Variants in PIEZO2 observed in about 807,000 individuals in gnomAD.
The protein encoded by PIEZO2 is piezo-type mechanosensitive ion channel component 2.
In PIEZO2, 172 loss-of-function variants were observed where a neutral mutation model predicts 337.3. The ratio of observed to expected loss-of-function variants is 0.51; its 90% confidence interval spans 0.45 to 0.58. The LOEUF is 0.58. Among genes scored for constraint, PIEZO2 ranks in the 20% least tolerant of loss-of-function variants. The probability of loss-of-function intolerance (pLI) is 0.00; values close to 1 mark genes in which losing one functional copy is unlikely to be tolerated. For missense variants in PIEZO2, 3,028 were observed against 3,391.3 expected, an observed-to-expected ratio of 0.89 and a Z score of 2.66; for synonymous variants, 1,251 against 1,228.5, an observed-to-expected ratio of 1.02 and a Z score of -0.38.
intron 2 of PIEZO2, among the ~76,000 whole-genome samples, chr18:11,049,494 A>T: frequency 6.6e-6 from 1 of 152,230 alleles, no homozygotes; most frequent in South Asian, 2.1e-4. Context: ...CACCAACTCA[A>T]GTGAACTAAC....
rs2038816374 is a variant in PIEZO2, at chr18:11,083,406, A to G, written c.65-17184T>C. On this transcript the variant is annotated intron_variant, in intron 1 of 55. Coordinates refer to ENST00000674853, the MANE Select transcript of PIEZO2 (RefSeq NM_001378183.1). The surrounding 1 kb of genome is among the most constrained non-coding windows in gnomAD (Gnocchi z 4.4). ...TTTCCTTGGTAAATTCTTGGCGTAG[A>G]ATGAGAGATCCGAAGGAGTCCAGGT... 6.6e-6 allele frequency among the ~76,000 whole-genome samples: 1 copy of G among 152,210 alleles called. No individual in the cohort carries two copies. The highest frequency in any genetic ancestry group is 1.5e-5 in the Non-Finnish European group (1 of 68,020).
chr18:11,141,704 C>T (rs554672866), intron 1 of PIEZO2, among the ~76,000 whole-genome samples: 2 of 152,242 alleles, frequency 1.3e-5, no homozygotes, highest in South Asian at 4.2e-4. Context: ...TCTGAGCACA[C>T]CAGAGAAGGC....
Position 10,705,676 on chromosome 18 carries a change from C to T in PIEZO2, c.5659G>A (p.Glu1887Lys), listed in dbSNP as rs1242154149. 3.3e-6 allele frequency: 5 copies of T among 1,536,898 alleles called. No individual in the cohort carries two copies. In the African/African-American group the frequency reaches 4.1e-5, roughly 13 times the overall value. ...TTETIEEVEA[E>K]QEEEAGSTAP... ...GTGCTCCCTGCCTCCTCCTCCTGCT[C>T]AGCCTCCACCTCCTCGATGGTCTCA... is the stretch of plus-strand genomic sequence containing the variant. The change falls in exon 41 of 56, where the codon GAG becomes AAG. Residue 1887 changes from glutamate (E) to lysine (K), a missense_variant. Physicochemically the swap from Glu to Lys is moderately conservative, Grantham distance 56 (BLOSUM62 1). Coordinates refer to ENST00000674853, the MANE Select transcript of PIEZO2 (RefSeq NM_001378183.1).
In PIEZO2 at chr18:10,750,173, T is replaced by A. The variant is rs764409706; in HGVS notation, c.4182A>T (p.Gly1394=). The A allele has an allele frequency of 9.1e-6, 14 of 1,536,784 alleles. No individual in the cohort carries two copies. In the South Asian group the frequency reaches 1.7e-4, roughly 18 times the overall value. Residue 1394 remains glycine, a synonymous_variant, in exon 29 of 56, where the codon GGA becomes GGT. Transcript: ENST00000674853. This position sits in a 1 kb window ranked among gnomAD's most constrained non-coding sequence, Gnocchi z 4.1. The part of the protein sequence containing the change: ...MKNILSIGAC[G]YIGTLVHNSC... ...TATTGTGCACCAATGTTCCAATGTA[T>A]CCACATGCTCCTATCTGAAAAACAA...
chr18:11,056,839 G>C (rs118018851), intron 2 of PIEZO2, among the ~76,000 whole-genome samples: 71 of 152,302 alleles, frequency 4.7e-4, no homozygotes, highest in Admixed American at 1.2e-3. Flanking sequence ...ACCTAGGATA[G>C]ATGCTTCCTC....
intron 50 of PIEZO2, 116 bp downstream of exon 50, chr18:10,681,988 A>T (rs773454960): frequency 8.8e-5 from 91 of 1,033,628 alleles, no homozygotes; most frequent in Non-Finnish European, 1.2e-4. Context: ...TTTGCTGAGC[A>T]GTCAAATGCC....
At chr18:10,683,707 T>C (rs1415742807) in intron 49 of PIEZO2, among the ~76,000 whole-genome samples, 1 of 152,234 alleles carries the variant, frequency 6.6e-6, no homozygotes, top group Non-Finnish European at 1.5e-5. Context: ...TCTTTCATTA[T>C]TTTCTCAGTG....
At chr18:11,058,509 A>G (rs1050588294) in intron 2 of PIEZO2, among the ~76,000 whole-genome samples, 3 of 152,216 alleles carry the variant, frequency 2.0e-5, no homozygotes, top group African/African-American at 7.2e-5. Context: ...AACATGGCAA[A>G]GAAGTTAAAA....
intron 28 of PIEZO2, among the ~76,000 whole-genome samples, chr18:10,751,896 G>C (rs188121666): frequency 6.6e-6 from 1 of 152,314 alleles, no homozygotes; most frequent in Admixed American, 6.5e-5. Flanking sequence ...GGAATTACTA[G>C]TGGGCAGTGT....
In PIEZO2 at chr18:10,676,810, C is replaced by T. The variant is rs1365198745; in HGVS notation, c.8081+937G>A. On this transcript the variant is annotated intron_variant, in intron 53 of 55. Coordinates refer to ENST00000674853, the MANE Select transcript of PIEZO2 (RefSeq NM_001378183.1). This position sits in a 1 kb window ranked among gnomAD's most constrained non-coding sequence, Gnocchi z 5.1. Reference sequence around the variant, plus strand: ...GGTGAACGAGTGAAGTGGGTACCCACGATCGGGTGGCAGACATGAATGACA... The same window carrying T: ...GGTGAACGAGTGAAGTGGGTACCCATGATCGGGTGGCAGACATGAATGACA... Among the ~76,000 whole-genome samples the T allele has an allele frequency of 1.3e-5, 2 of 152,204 alleles. No homozygotes were observed. Among genetic ancestry groups the T allele is most frequent in the Admixed American group, 6.5e-5 (1 of 15,286 alleles).
intron 26 of PIEZO2, among the ~76,000 whole-genome samples, chr18:10,758,509 G>C (rs1013348368): frequency 6.6e-6 from 1 of 151,994 alleles, no homozygotes; most frequent in Non-Finnish European, 1.5e-5. Flanking sequence ...GCAGTGGTGC[G>C]ATCTTGGCTC....
In PIEZO2 at chr18:11,143,525, A is replaced by G. The variant is rs1418838800; in HGVS notation, c.64+5000T>C. Among the ~76,000 whole-genome samples the G allele has an allele frequency of 6.6e-6, 1 of 152,100 alleles. No homozygotes were observed. Among genetic ancestry groups the G allele is most frequent in the African/African-American group, 2.4e-5 (1 of 41,402 alleles). On this transcript the variant is annotated intron_variant, in intron 1 of 55. Transcript: ENST00000674853. The surrounding 1 kb of genome is among the most constrained non-coding windows in gnomAD (Gnocchi z 4.9). ...TAAATATTGTTTTTAAGTCCTATTA[A>G]TCAGAAAAATGCAACTGCAGATTTG...
chr18:11,110,552 G>C lies in PIEZO2; in HGVS notation c.64+37973C>G, dbSNP rs191449797. Among the ~76,000 whole-genome samples the C allele has an allele frequency of 7.9e-5, 12 of 152,312 alleles. No individual in the cohort carries two copies. The highest frequency in any genetic ancestry group is 1.9e-4 in the East Asian group (1 of 5,174). ...TCAAACAACAAAGACACAGCAGAGC[G>C]GGGGAGTGGGAGCTGCCACATAACG... On this transcript the variant is annotated intron_variant, in intron 1 of 55. Transcript: ENST00000674853. This position sits in a 1 kb window ranked among gnomAD's most constrained non-coding sequence, Gnocchi z 4.2.
chr18:10,927,293 A>C (rs1436586269), intron 3 of PIEZO2, among the ~76,000 whole-genome samples: 2 of 152,144 alleles, frequency 1.3e-5, no homozygotes, highest in East Asian at 3.9e-4. Flanking sequence ...TGGCTCAGCA[A>C]AGCCTCCGAG....
intron 2 of PIEZO2, among the ~76,000 whole-genome samples, chr18:11,000,549 C>T (rs769072624): frequency 7.2e-5 from 11 of 152,178 alleles, no homozygotes; most frequent in Non-Finnish European, 1.0e-4. Context: ...CATCACCAGT[C>T]GCCACTCCTT....
At position 10,821,223 on chromosome 18, in the gene PIEZO2, C is replaced by T. The variant is rs958008113; in HGVS notation, c.918-13949G>A. ...CCCACATAATGTACAGTAAATTCCT[C>T]CAGGTAGAAAGCTGGAAAAATCCTT... On this transcript the variant is annotated intron_variant, in intron 7 of 55. Coordinates refer to ENST00000674853, the MANE Select transcript of PIEZO2 (RefSeq NM_001378183.1). This position sits in a 1 kb window ranked among gnomAD's most constrained non-coding sequence, Gnocchi z 4.2. Among the ~76,000 whole-genome samples, 12 of 152,154 alleles carry T rather than the reference C, an allele frequency of 7.9e-5. No individual in the cohort carries two copies. The highest frequency in any genetic ancestry group is 2.9e-4 in the African/African-American group (12 of 41,438).
In PIEZO2 at chr18:10,980,322, T is replaced by C. The variant is rs2034617840; in HGVS notation, c.161-662A>G. ...CAATTGGCACCAAAGAAATGTTTCA[T>C]AAAGTTCAAAACCTAGTTATAATTT... On this transcript the variant is annotated intron_variant, in intron 2 of 55. Transcript: ENST00000674853. The surrounding 1 kb of genome is among the most constrained non-coding windows in gnomAD (Gnocchi z 4.8). 1.3e-5 allele frequency among the ~76,000 whole-genome samples: 2 copies of C among 151,962 alleles called. No homozygotes were observed. The highest frequency in any genetic ancestry group is 2.9e-5 in the Non-Finnish European group (2 of 67,982).
intron 17 of PIEZO2, among the ~76,000 whole-genome samples, chr18:10,782,385 A>C (rs1159782468): frequency 1.0e-5 from 1 of 96,422 alleles, no homozygotes; most frequent in African/African-American, 4.0e-5. Flanking sequence ...AATATATTAT[A>C]ATTATATATA....
At position 11,067,378 on chromosome 18, in the gene PIEZO2, C is replaced by T. The variant is rs1568345133; in HGVS notation, c.65-1156G>A. Among the ~76,000 whole-genome samples the T allele has an allele frequency of 2.6e-5, 4 of 151,908 alleles. No individual in the cohort carries two copies. The South Asian group carries it at 6.2e-4, about 24-fold the overall frequency. ...GCAATAAAAGGCAAATGTAACCATA[C>T]TTTCTTTAAGAAAAAAAAAATTATC... On this transcript the variant is annotated intron_variant, in intron 1 of 55. Transcript: ENST00000674853.
Sources: gnomAD v4.1 joint callset for allele counts (sites outside exome capture counted in the v4.1 genomes callset) on GRCh38, gnomAD v4.1.1 for gene constraint, Gnocchi (gnomAD v3.1) non-coding constraint, MANE v1.5 for transcripts, NCBI Gene and HGNC (gene_info 2026-07-23, HGNC 2026-07-21) for gene names.